Variants in DHX30 observed in about 807,000 individuals in gnomAD.
The protein encoded by DHX30 is DExH-box helicase 30.
Under a neutral mutation model 116.9 loss-of-function variants are expected in DHX30, and 4 were observed. The observed-to-expected ratio is 0.03, with a 90% CI of 0.02 to 0.08. The LOEUF is 0.08. DHX30 is among the 10% of genes least tolerant of loss of function. The pLI is 1.00. For missense variants in DHX30, 871 were observed against 1,595.1 expected, an observed-to-expected ratio of 0.55 and a Z score of 7.73; for synonymous variants, 697 against 651.7, an observed-to-expected ratio of 1.07 and a Z score of -1.06.
chr3:47,816,057 G>A, intron 3 of DHX30: 4 of 984,890 alleles, frequency 4.1e-6, no homozygotes, highest in Non-Finnish European at 4.8e-6. Context: ...ACTGGAATTA[G>A]TTTCAAAATA....
chr3:47,834,664 T>C (rs1397381065), intron 6 of DHX30, among the ~76,000 whole-genome samples: 1 of 152,044 alleles, frequency 6.6e-6, no homozygotes, highest in Non-Finnish European at 1.5e-5. Context: ...CTTCCAGTGT[T>C]GCCCAGACTG....
At chr3:47,846,087 C>G in intron 10 of DHX30, 78 bp from the exon 11 acceptor site, 1 of 1,501,816 alleles carries the variant, frequency 6.7e-7, no homozygotes, top group Non-Finnish European at 9.0e-7. Flanking sequence ...CTGACCCAGG[C>G]GAATCCTGCA....
intron 6 of DHX30, among the ~76,000 whole-genome samples, chr3:47,830,419 G>T (rs1054184908): frequency 6.6e-6 from 1 of 151,580 alleles, no homozygotes. Flanking sequence ...TTGCGCTCCA[G>T]CCTGGGCCTC....
chr3:47,808,278 G>A (rs2035625607), intron 2 of DHX30, among the ~76,000 whole-genome samples: 2 of 151,576 alleles, frequency 1.3e-5, no homozygotes, highest in African/African-American at 2.4e-5. Context: ...GTGCAGTGGC[G>A]TGATCACAGC....
At chr3:47,819,407 C>T in intron 4 of DHX30, 1 of 750,748 alleles carries the variant, frequency 1.3e-6, no homozygotes, top group South Asian at 1.3e-5. Flanking sequence ...GTTGCTGCCT[C>T]TGGGGCAGCC....
intron 3 of DHX30, chr3:47,816,701 G>T (rs1028264431): frequency 2.0e-6 from 2 of 985,510 alleles, no homozygotes; most frequent in Non-Finnish European, 2.4e-6. Context: ...TACCGAGGAA[G>T]CCCAGGTGGA....
intron 4 of DHX30, chr3:47,824,837 G>T: frequency 2.3e-6 from 1 of 435,630 alleles, no homozygotes; most frequent in Non-Finnish European, 4.0e-6. Flanking sequence ...GAGCTCTGCA[G>T]GGTCCTAGCC....
At chr3:47,843,371 C>A in intron 9 of DHX30, 116 bp downstream of exon 9, 2 of 1,416,218 alleles carry the variant, frequency 1.4e-6, no homozygotes, top group Admixed American at 4.2e-5. Flanking sequence ...GGCCTTTTGC[C>A]TGGCACAAAG....
At chr3:47,811,868 A>G (rs918844286) in intron 3 of DHX30, among the ~76,000 whole-genome samples, 9 of 152,106 alleles carry the variant, frequency 5.9e-5, no homozygotes, top group Non-Finnish European at 8.8e-5. Flanking sequence ...GTTCCAGACC[A>G]GCCTGGACAA....
chr3:47,848,894 C>G lies in DHX30; in HGVS notation c.2770-26C>G. Reference sequence around the variant, plus strand: ...GCGTTGTCTAGCCCCTGCCTGTGATCCGGCTGCCCTCTTCTCCCCTCCCAG... The same window carrying G: ...GCGTTGTCTAGCCCCTGCCTGTGATGCGGCTGCCCTCTTCTCCCCTCCCAG... On this transcript the variant is annotated intron_variant, in intron 17 of 21. Transcript: ENST00000445061. The surrounding 1 kb of genome is among the most constrained non-coding windows in gnomAD (Gnocchi z 9.4). 1 of 1,595,298 alleles carries G rather than the reference C, an allele frequency of 6.3e-7. No homozygotes were observed. Among genetic ancestry groups the G allele is most frequent in the Non-Finnish European group, 8.6e-7 (1 of 1,166,794 alleles).
rs10683438 is a variant in DHX30 at position 47,829,314 on chromosome 3, A to ATTTT, written c.366+193_366+196dup. Among the ~76,000 whole-genome samples, 75 of 34,182 alleles carry ATTTT rather than the reference A, an allele frequency of 2.2e-3. 2 individuals carry two copies. The highest frequency in any genetic ancestry group is 6.9e-3 in the African/African-American group (61 of 8,852). 22.4% of individuals were successfully genotyped at this position (34,182 alleles called of 152,430 possible). A position where few individuals can be genotyped will look rare whatever the true frequency, so the allele number is the denominator to read the frequency against. The stretch of plus-strand genomic sequence containing the variant: ...TATATATATATATATATATATATAT[A>ATTTT]TTTTTTTTTTTTTTTTCCTGTGTTT... On this transcript the variant is annotated intron_variant, in intron 6 of 21. Coordinates refer to ENST00000445061, the MANE Select transcript of DHX30 (RefSeq NM_138615.3).
intron 6 of DHX30, among the ~76,000 whole-genome samples, chr3:47,831,894 G>A (rs1331626584): frequency 8.1e-6 from 1 of 123,922 alleles, no homozygotes; most frequent in African/African-American, 2.9e-5. Context: ...CACACTTTAG[G>A]TATTTAGTTT....
Position 47,841,218 on chromosome 3 carries a change from G to A in DHX30, c.668+40G>A, listed in dbSNP as rs369612486. On this transcript the variant is annotated intron_variant, in intron 7 of 21. Transcript: ENST00000445061. Reference sequence around the variant, plus strand: ...TGGGGATGCAGCAGAGGCTGGCTGTGCCTTGACACGGGGATGGGCGAATGT... The same window carrying A: ...TGGGGATGCAGCAGAGGCTGGCTGTACCTTGACACGGGGATGGGCGAATGT... 1.9e-5 allele frequency: 31 copies of A among 1,602,938 alleles called. No homozygotes were observed. The African/African-American group carries it at 3.9e-4, about 20-fold the overall frequency.
chr3:47,848,086 T>C lies in DHX30; in HGVS notation c.2287-94T>C. On this transcript the variant is annotated intron_variant, in intron 14 of 21. Transcript: ENST00000445061. The surrounding 1 kb of genome is among the most constrained non-coding windows in gnomAD (Gnocchi z 9.4). ...AGGCCGCGCTTGTGGGGTCTCAGTG[T>C]TCCTGATGTAGGGGGCTGGTGAGGG... 6.3e-7 allele frequency: 1 copy of C among 1,585,614 alleles called. No homozygotes were observed. Among genetic ancestry groups the C allele is most frequent in the Non-Finnish European group, 8.6e-7 (1 of 1,159,364 alleles).
At chr3:47,809,495 C>T (rs199962597) in intron 2 of DHX30, among the ~76,000 whole-genome samples, 2 of 152,084 alleles carry the variant, frequency 1.3e-5, no homozygotes, top group African/African-American at 2.4e-5. Flanking sequence ...CCGCCCACCT[C>T]GGCCTCCCAA....
At chr3:47,816,880 A>G (rs1443514491) in intron 3 of DHX30, 3 of 984,244 alleles carry the variant, frequency 3.0e-6, no homozygotes, top group African/African-American at 3.5e-5. Flanking sequence ...TGTATCTACC[A>G]CCTTGATTCT....
intron 6 of DHX30, among the ~76,000 whole-genome samples, 183 bp downstream of exon 6, chr3:47,829,317 T>A (rs867677016): frequency 0.044 from 4,961 of 112,444 alleles, 70 homozygotes; most frequent in Non-Finnish European, 0.062. Context: ...TATATATATT[T>A]TTTTTTTTTT....
intron 4 of DHX30, among the ~76,000 whole-genome samples, chr3:47,818,779 A>C (rs2036167113): frequency 6.6e-6 from 1 of 152,078 alleles, no homozygotes; most frequent in Non-Finnish European, 1.5e-5. Flanking sequence ...CCTCAGACTT[A>C]TTAATATACC....
intron 4 of DHX30, among the ~76,000 whole-genome samples, chr3:47,823,831 C>A (rs2036409328): frequency 6.6e-6 from 1 of 152,108 alleles, no homozygotes; most frequent in South Asian, 2.1e-4. Flanking sequence ...TTAGAGGCAA[C>A]TAAGAAATCA....
Sources: gnomAD v4.1 joint callset for allele counts (sites outside exome capture counted in the v4.1 genomes callset) on GRCh38, gnomAD v4.1.1 for gene constraint, Gnocchi (gnomAD v3.1) non-coding constraint, MANE v1.5 for transcripts, NCBI Gene and HGNC (gene_info 2026-07-23, HGNC 2026-07-21) for gene names.